The following CENPP variants were observed in gnomAD, a reference collection of about 807,000 sequenced individuals.
The protein encoded by CENPP is centromere protein P.
A neutral mutation model predicts 35.6 loss-of-function variants in CENPP; 24 were observed. The observed-to-expected ratio is 0.67, with a 90% CI of 0.49 to 0.95. The LOEUF is 0.95. Ranked by LOEUF, CENPP falls within the 40% of genes least tolerant of loss-of-function variation. The probability of loss-of-function intolerance (pLI) is 0.00; values close to 1 mark genes in which losing one functional copy is unlikely to be tolerated. For missense variants in CENPP, 332 were observed against 345.3 expected, an observed-to-expected ratio of 0.96 and a Z score of 0.31; for synonymous variants, 120 against 125.5, an observed-to-expected ratio of 0.96 and a Z score of 0.29.
intron 5 of CENPP, among the ~76,000 whole-genome samples, chr9:92,397,250 T>A (rs949414475): frequency 1.3e-5 from 2 of 152,122 alleles, no homozygotes; most frequent in Non-Finnish European, 2.9e-5. Context: ...TAGCAAGATG[T>A]CCCAAACTAA....
intron 5 of CENPP, among the ~76,000 whole-genome samples, chr9:92,549,290 C>T (rs1197981313): frequency 6.6e-6 from 1 of 152,122 alleles, no homozygotes; most frequent in Non-Finnish European, 1.5e-5. Flanking sequence ...TTCTCATAAC[C>T]AAAACTGTCC....
intron 5 of CENPP, among the ~76,000 whole-genome samples, chr9:92,605,380 A>G (rs1040071515): frequency 3.3e-5 from 5 of 151,464 alleles, no homozygotes; most frequent in Non-Finnish European, 7.4e-5. Flanking sequence ...TTACATGTGG[A>G]TATCCAATTG....
intron 2 of CENPP, among the ~76,000 whole-genome samples, chr9:92,336,765 G>A (rs1201032747): frequency 6.6e-6 from 1 of 152,092 alleles, no homozygotes; most frequent in East Asian, 1.9e-4. Context: ...ACAACCACAT[G>A]TATAAAAGAA....
chr9:92,509,492 T>G (rs1588201424), intron 5 of CENPP, among the ~76,000 whole-genome samples: 1 of 152,120 alleles, frequency 6.6e-6, no homozygotes, highest in Non-Finnish European at 1.5e-5. Context: ...ACCATCAGAG[T>G]GATAAAGGAG....
intron 5 of CENPP, chr9:92,470,810 T>A (rs190292439): frequency 1.6e-6 from 2 of 1,265,036 alleles, no homozygotes; most frequent in South Asian, 2.8e-5. Context: ...TATTATATAA[T>A]AGAGAATCAT....
At chr9:92,529,571 G>A (rs1848622497) in intron 5 of CENPP, among the ~76,000 whole-genome samples, 1 of 151,836 alleles carries the variant, frequency 6.6e-6, no homozygotes, top group Non-Finnish European at 1.5e-5. Context: ...TTCTTCAATA[G>A]GTGAATGGAA....
chr9:92,464,101 G>T (rs946714014), intron 5 of CENPP, among the ~76,000 whole-genome samples: 5 of 152,184 alleles, frequency 3.3e-5, no homozygotes, highest in Admixed American at 1.3e-4. Context: ...AATCATAGGG[G>T]TTATTTTTGG....
At chr9:92,447,875 G>T (rs924717145) in intron 5 of CENPP, among the ~76,000 whole-genome samples, 1 of 152,144 alleles carries the variant, frequency 6.6e-6, no homozygotes, top group Non-Finnish European at 1.5e-5. Flanking sequence ...GAAGGAAATG[G>T]TTTATGATGT....
intron 4 of CENPP, among the ~76,000 whole-genome samples, chr9:92,359,590 G>A (rs909607097): frequency 6.6e-6 from 1 of 152,108 alleles, no homozygotes; most frequent in East Asian, 1.9e-4. Flanking sequence ...TTAGAAAGGG[G>A]AAATGAAGAA....
At chr9:92,565,829 G>A (rs996265918) in intron 5 of CENPP, among the ~76,000 whole-genome samples, 1 of 152,080 alleles carries the variant, frequency 6.6e-6, no homozygotes, top group Non-Finnish European at 1.5e-5. Context: ...ATACACCTGA[G>A]AAAACCTCAA....
intron 5 of CENPP, among the ~76,000 whole-genome samples, chr9:92,583,272 C>T (rs1402732624): frequency 6.6e-6 from 1 of 152,068 alleles, no homozygotes; most frequent in East Asian, 1.9e-4. Context: ...TGTAGACTAC[C>T]CTATAAAAAG....
At chr9:92,416,977 AC>A in intron 5 of CENPP, 1 of 1,614,012 alleles carries the variant, frequency 6.2e-7, no homozygotes, top group Non-Finnish European at 8.5e-7. Context: ...GATAATTATA[AC>A]AGAGATCAAG....
At chr9:92,506,775 AT>A (rs1302391132) in intron 5 of CENPP, among the ~76,000 whole-genome samples, 1 of 152,198 alleles carries the variant, frequency 6.6e-6, no homozygotes, top group Non-Finnish European at 1.5e-5. Context: ...AGCTGAGCAC[AT>A]GTAGGTGAAA....
chr9:92,413,897 T>C (rs1843512431), intron 5 of CENPP, among the ~76,000 whole-genome samples: 1 of 152,196 alleles, frequency 6.6e-6, no homozygotes, highest in Non-Finnish European at 1.5e-5. Flanking sequence ...AAACTGGTAT[T>C]TCCAGAAAAA....
intron 2 of CENPP, among the ~76,000 whole-genome samples, chr9:92,333,573 A>G (rs929198281): frequency 6.6e-6 from 1 of 152,214 alleles, no homozygotes; most frequent in African/African-American, 2.4e-5. Context: ...TTGGAAAAAT[A>G]TAGAAATTAT....
At chr9:92,332,502 C>T (rs1020807441) in intron 2 of CENPP, 151 bp downstream of exon 2, 7 of 629,522 alleles carry the variant, frequency 1.1e-5, no homozygotes, top group Admixed American at 7.7e-5. Flanking sequence ...ATCTTTTGAA[C>T]ATCACGGTGT....
At chr9:92,333,859 G>A (rs1161974723) in intron 2 of CENPP, among the ~76,000 whole-genome samples, 1 of 152,006 alleles carries the variant, frequency 6.6e-6, no homozygotes, top group Non-Finnish European at 1.5e-5. Flanking sequence ...AGTTTCTGTG[G>A]TGTGTTAATG....
At chr9:92,551,639 G>A (rs1397892613) in intron 5 of CENPP, among the ~76,000 whole-genome samples, 1 of 151,872 alleles carries the variant, frequency 6.6e-6, no homozygotes, top group Non-Finnish European at 1.5e-5. Flanking sequence ...AGTATACACT[G>A]CACCCTATTT....
intron 5 of CENPP, among the ~76,000 whole-genome samples, chr9:92,391,268 G>T (rs1300291289): frequency 6.6e-6 from 1 of 151,778 alleles, no homozygotes. Flanking sequence ...TTAGCCAGGC[G>T]TGGTGGCGAG....
Sources: gnomAD v4.1 joint callset for allele counts (sites outside exome capture counted in the v4.1 genomes callset) on GRCh38, gnomAD v4.1.1 for gene constraint, MANE v1.5 for transcripts, NCBI Gene and HGNC (gene_info 2026-07-23, HGNC 2026-07-21) for gene names.